Variants in ZFPM2 observed in about 807,000 individuals in gnomAD.
ZFPM2 encodes the protein zinc finger protein ZFPM2.
In ZFPM2, 20 loss-of-function variants were observed where a neutral mutation model predicts 98.6. The observed-to-expected ratio is 0.20, with a 90% CI of 0.14 to 0.29. ZFPM2 has a LOEUF of 0.29. ZFPM2 is among the 10% of genes least tolerant of loss of function. ZFPM2 has a pLI of 1.00. For missense variants in ZFPM2, 1,310 were observed against 1,388.6 expected (o/e 0.94, Z 0.90); for synonymous variants, 518 against 502.7 (o/e 1.03, Z -0.41).
intron 1 of ZFPM2, among the ~76,000 whole-genome samples, chr8:105,334,977 G>T (rs1448482105): frequency 6.6e-6 from 1 of 151,476 alleles, no homozygotes; most frequent in Non-Finnish European, 1.5e-5. Flanking sequence ...GTGTCAGTGG[G>T]GTTTGAAAGG....
intron 3 of ZFPM2, among the ~76,000 whole-genome samples, chr8:105,466,706 T>C (rs1303026462): frequency 6.6e-6 from 1 of 152,086 alleles, no homozygotes; most frequent in Non-Finnish European, 1.5e-5. Context: ...GTAATATGAT[T>C]CTACCCCATG....
At chr8:105,475,896 A>T (rs1201196928) in intron 3 of ZFPM2, among the ~76,000 whole-genome samples, 2 of 152,214 alleles carry the variant, frequency 1.3e-5, no homozygotes, top group African/African-American at 2.4e-5. Context: ...AAATTAAGAA[A>T]GTGGTGCTCA....
In ZFPM2 at chr8:105,471,697, A is replaced by G. The variant is rs572818966; in HGVS notation, c.301+27316A>G. 2.0e-4 allele frequency among the ~76,000 whole-genome samples: 30 copies of G among 152,332 alleles called. No homozygotes were observed. The South Asian group carries it at 6.2e-3, about 32-fold the overall frequency. ...AACCTTTTACATCCTCTCCAAATCCAAATAGAAACTTGCTTGTTGAGAATG... is the reference window on the plus strand; with the variant it reads ...AACCTTTTACATCCTCTCCAAATCCGAATAGAAACTTGCTTGTTGAGAATG... On this transcript the variant is annotated intron_variant, in intron 3 of 7. Transcript: ENST00000407775.
At chr8:105,784,126 C>T (rs1339787727) in intron 5 of ZFPM2, among the ~76,000 whole-genome samples, 2 of 152,120 alleles carry the variant, frequency 1.3e-5, no homozygotes, top group African/African-American at 2.4e-5. Flanking sequence ...AAGATACCAA[C>T]ATAGCTAAAT....
At chr8:105,648,844 T>C (rs1817109107) in intron 5 of ZFPM2, among the ~76,000 whole-genome samples, 1 of 152,232 alleles carries the variant, frequency 6.6e-6, no homozygotes, top group Non-Finnish European at 1.5e-5. Context: ...TGGCTTAGGA[T>C]TGACTTGGCA....
At chr8:105,791,083 T>C (rs1407024074) in intron 6 of ZFPM2, among the ~76,000 whole-genome samples, 1 of 152,210 alleles carries the variant, frequency 6.6e-6, no homozygotes, top group African/African-American at 2.4e-5. Flanking sequence ...AATCTTTATT[T>C]CCTTCTCCTG....
At chr8:105,469,030 C>G (rs917092553) in intron 3 of ZFPM2, among the ~76,000 whole-genome samples, 47 of 151,726 alleles carry the variant, frequency 3.1e-4, no homozygotes, top group African/African-American at 1.1e-3. Context: ...CTCACTTGTC[C>G]CATAGGGGGA....
chr8:105,767,295 G>T (rs1812875793), intron 5 of ZFPM2, among the ~76,000 whole-genome samples: 1 of 151,832 alleles, frequency 6.6e-6, no homozygotes, highest in Non-Finnish European at 1.5e-5. Flanking sequence ...TTTCATTGTT[G>T]TAAACTACAA....
At chr8:105,746,075 A>G (rs564393392) in intron 5 of ZFPM2, among the ~76,000 whole-genome samples, 1 of 152,062 alleles carries the variant, frequency 6.6e-6, no homozygotes, top group African/African-American at 2.4e-5. Context: ...CCTGCCCAAC[A>G]ATGCTTATTT....
At chr8:105,525,588 C>G (rs989580088) in intron 3 of ZFPM2, among the ~76,000 whole-genome samples, 2 of 152,058 alleles carry the variant, frequency 1.3e-5, no homozygotes, top group Admixed American at 1.3e-4. Context: ...AAGGATTGTG[C>G]AACTAAATTT....
intron 5 of ZFPM2, chr8:105,785,332 C>CA (rs1813383192): frequency 6.6e-6 from 1 of 150,760 alleles, no homozygotes; most frequent in Non-Finnish European, 1.5e-5. Flanking sequence ...ACAACACACA[C>CA]ACACGCACAC....
chr8:105,772,243 T>A (rs1335720471), intron 5 of ZFPM2, among the ~76,000 whole-genome samples: 2 of 152,128 alleles, frequency 1.3e-5, no homozygotes, highest in Non-Finnish European at 2.9e-5. Context: ...ACCTTTGTAA[T>A]ATGCAAGGCA....
chr8:105,458,378 A>G (rs1377251222), intron 3 of ZFPM2, among the ~76,000 whole-genome samples: 1 of 151,994 alleles, frequency 6.6e-6, no homozygotes, highest in Non-Finnish European at 1.5e-5. Context: ...TGAATGTTAC[A>G]CTCCGTGTAA....
intron 3 of ZFPM2, among the ~76,000 whole-genome samples, chr8:105,534,311 C>A (rs1265387085): frequency 5.9e-5 from 7 of 118,810 alleles, no homozygotes; most frequent in Non-Finnish European, 1.2e-4. Context: ...TCCTTCCTCC[C>A]ATCTTTCCTT....
chr8:105,587,069 G>A (rs1252819617), intron 4 of ZFPM2, among the ~76,000 whole-genome samples: 4 of 151,480 alleles, frequency 2.6e-5, no homozygotes, highest in Admixed American at 1.3e-4. Flanking sequence ...AAGGTCAGGA[G>A]ATCGAGACCA....
At chr8:105,523,993 T>G (rs1240895772) in intron 3 of ZFPM2, among the ~76,000 whole-genome samples, 1 of 152,148 alleles carries the variant, frequency 6.6e-6, no homozygotes. Context: ...CTCTAAAATC[T>G]GTTTTGTTCA....
At chr8:105,486,606 T>A (rs1454168754) in intron 3 of ZFPM2, among the ~76,000 whole-genome samples, 2 of 152,172 alleles carry the variant, frequency 1.3e-5, no homozygotes, top group Admixed American at 1.3e-4. Context: ...CACCAAACTG[T>A]GCGGGAAAAG....
chr8:105,781,760 C>A (rs896037044), intron 5 of ZFPM2, among the ~76,000 whole-genome samples: 2 of 152,230 alleles, frequency 1.3e-5, no homozygotes, highest in African/African-American at 4.8e-5. Flanking sequence ...ACTTCCACAT[C>A]ACACATAAAT....
At chr8:105,674,309 G>C (rs1249251886) in intron 5 of ZFPM2, among the ~76,000 whole-genome samples, 1 of 152,206 alleles carries the variant, frequency 6.6e-6, no homozygotes, top group African/African-American at 2.4e-5. Context: ...GCCTGTGAGA[G>C]AGAGGGTTTG....
Sources: allele counts gnomAD v4.1 joint callset (sites outside exome capture counted in the v4.1 genomes callset), GRCh38; gene constraint gnomAD v4.1.1; transcripts MANE v1.5; gene names NCBI Gene and HGNC (gene_info 2026-07-23, HGNC 2026-07-21).